Variants in TIAM2 observed in about 807,000 individuals in gnomAD.
TIAM2 encodes TIAM Rac1 associated GEF 2.
Under a neutral mutation model 152.9 loss-of-function variants are expected in TIAM2, and 80 were observed. The observed-to-expected ratio is 0.52, with a 90% CI of 0.44 to 0.63. The LOEUF is 0.63. TIAM2 is among the 30% of genes least tolerant of loss of function. The probability of loss-of-function intolerance (pLI) is 0.00; values close to 1 mark genes in which losing one functional copy is unlikely to be tolerated. For missense variants in TIAM2, 1,965 were observed against 2,120.1 expected, an observed-to-expected ratio of 0.93 and a Z score of 1.44; for synonymous variants, 804 against 838.0, an observed-to-expected ratio of 0.96 and a Z score of 0.70.
At chr6:155,128,867 A>C (rs568492794) in intron 3 of TIAM2, among the ~76,000 whole-genome samples, 1 of 151,426 alleles carries the variant, frequency 6.6e-6, no homozygotes, top group South Asian at 2.1e-4. Context: ...ACTCTGTCTC[A>C]AAAAAAAAGC....
chr6:155,205,596 G>C (rs1221935522), intron 14 of TIAM2, among the ~76,000 whole-genome samples: 3 of 152,168 alleles, frequency 2.0e-5, no homozygotes, highest in Admixed American at 6.5e-5. Context: ...GGTTGAGTAG[G>C]GAGGAGGCTG....
intron 1 of TIAM2, among the ~76,000 whole-genome samples, chr6:155,006,167 C>T (rs1346506452): frequency 6.6e-6 from 1 of 152,082 alleles, no homozygotes; most frequent in Non-Finnish European, 1.5e-5. Context: ...GAGGCCGACC[C>T]ACGGCAGAGC....
intron 19 of TIAM2, 23 bp downstream of exon 19, chr6:155,245,754 A>AT (rs780216593): frequency 1.8e-4 from 102 of 562,778 alleles, no homozygotes; most frequent in Non-Finnish European, 2.3e-4. Context: ...TGCCTTTTAT[A>AT]GTTTTTTTTT....
chr6:154,998,300 A>T (rs1372567735), intron 1 of TIAM2, among the ~76,000 whole-genome samples: 1 of 152,216 alleles, frequency 6.6e-6, no homozygotes, highest in Non-Finnish European at 1.5e-5. Flanking sequence ...ATTGCATTGG[A>T]GTGCCGTTTT....
At chr6:155,245,789 A>G (rs1783292212) in intron 19 of TIAM2, 58 bp downstream of exon 19, 1 of 1,126,318 alleles carries the variant, frequency 8.9e-7, no homozygotes, top group African/African-American at 1.7e-5. Context: ...AACTGTTAGT[A>G]AAGGGTAAAT....
At chr6:155,073,254 C>T (rs946911720) in intron 1 of TIAM2, among the ~76,000 whole-genome samples, 1 of 150,980 alleles carries the variant, frequency 6.6e-6, no homozygotes, top group African/African-American at 2.4e-5. Flanking sequence ...CCTCCACCTC[C>T]CGGGTTCAAG....
intron 26 of TIAM2, chr6:155,255,958 A>G (rs181709318): frequency 7.6e-5 from 13 of 170,720 alleles, no homozygotes; most frequent in African/African-American, 3.2e-4. Flanking sequence ...TGCAGTGAGC[A>G]GAGATCACAC....
At position 155,109,217 on chromosome 6, in the gene TIAM2, G is replaced by A. The variant is rs1429333851; in HGVS notation, c.-117-18273G>A. Among the ~76,000 whole-genome samples the A allele has an allele frequency of 5.3e-5, 8 of 151,984 alleles. No homozygotes were observed. In the East Asian group the frequency reaches 1.4e-3, roughly 26 times the overall value. ...GCCAGGATGGTCTTGATCTCCTGAC[G>A]TCATGATCCGCCCGCCTCGGCCTCC... On this transcript the variant is annotated intron_variant, in intron 2 of 26. Coordinates refer to ENST00000682666, the MANE Select transcript of TIAM2 (RefSeq NM_012454.4).
intron 1 of TIAM2, among the ~76,000 whole-genome samples, chr6:155,023,050 TTTTTTTTTTTC>T (rs1400079382): frequency 1.0e-5 from 1 of 98,952 alleles, no homozygotes; most frequent in Non-Finnish European, 2.3e-5. Flanking sequence ...CTGTTTTTTT[TTTTTTTTTTTC>T]CCTTGGCAAG....
At chr6:155,253,081 GA>G in intron 24 of TIAM2, 28 bp downstream of exon 24, 1 of 1,575,024 alleles carries the variant, frequency 6.3e-7, no homozygotes. Flanking sequence ...TATGATGCCA[GA>G]AAAAGCATTT....
At chr6:155,256,461 G>A (rs763050926) in intron 26 of TIAM2, 23 bp from the exon 27 acceptor site, 74 of 1,613,798 alleles carry the variant, frequency 4.6e-5, no homozygotes, top group Non-Finnish European at 5.4e-5. Flanking sequence ...GTATCACAGC[G>A]AAATGTGTTT....
At chr6:155,101,929 C>T (rs1257263669) in intron 2 of TIAM2, among the ~76,000 whole-genome samples, 1 of 152,002 alleles carries the variant, frequency 6.6e-6, no homozygotes, top group Non-Finnish European at 1.5e-5. Context: ...GTCTTGATCT[C>T]CTGACCTCAT....
At chr6:155,242,469 G>T (rs1372847049) in intron 16 of TIAM2, among the ~76,000 whole-genome samples, 1 of 152,186 alleles carries the variant, frequency 6.6e-6, no homozygotes, top group East Asian at 1.9e-4. Context: ...GTGGAATATG[G>T]TGAGGGAAGG....
chr6:155,020,091 C>T (rs1776446220), intron 1 of TIAM2, among the ~76,000 whole-genome samples: 1 of 152,092 alleles, frequency 6.6e-6, no homozygotes, highest in African/African-American at 2.4e-5. Flanking sequence ...AGACATGTCC[C>T]TGGGAGTCAG....
chr6:155,002,593 T>C (rs187669473), intron 1 of TIAM2, among the ~76,000 whole-genome samples: 1 of 152,280 alleles, frequency 6.6e-6, no homozygotes, highest in East Asian at 1.9e-4. Context: ...TAGGTACTTG[T>C]GTCTATATCA....
At chr6:155,254,156 A>C in intron 25 of TIAM2, 96 bp downstream of exon 25, 1 of 1,338,724 alleles carries the variant, frequency 7.5e-7, no homozygotes. Context: ...AATTTTGATG[A>C]TATCAGGGTC....
At chr6:155,211,406 C>T (rs1042518761) in intron 15 of TIAM2, 99 bp downstream of exon 15, 11 of 852,122 alleles carry the variant, frequency 1.3e-5, no homozygotes, top group Middle Eastern at 4.6e-4. Flanking sequence ...TTACCTATCT[C>T]TAGGTCCAGC....
intron 15 of TIAM2, among the ~76,000 whole-genome samples, chr6:155,223,745 T>A (rs1416720934): frequency 6.6e-6 from 1 of 152,166 alleles, no homozygotes; most frequent in Non-Finnish European, 1.5e-5. Context: ...AGCTGTCTGA[T>A]GGACTAGGAG....
intron 14 of TIAM2, among the ~76,000 whole-genome samples, chr6:155,185,620 C>A (rs550173097): frequency 6.6e-6 from 1 of 152,114 alleles, no homozygotes; most frequent in Non-Finnish European, 1.5e-5. Context: ...GCCATTCGGA[C>A]TGTCTAATCC....
Sources: gnomAD v4.1 joint callset for allele counts (sites outside exome capture counted in the v4.1 genomes callset) on GRCh38, gnomAD v4.1.1 for gene constraint, MANE v1.5 for transcripts, NCBI Gene and HGNC (gene_info 2026-07-23, HGNC 2026-07-21) for gene names.